The following FTCDNL1 variants were observed in gnomAD, a reference collection of about 807,000 sequenced individuals.
The protein encoded by FTCDNL1 is formiminotransferase N-terminal subdomain-containing protein.
In FTCDNL1, 11 loss-of-function variants were observed where a neutral mutation model predicts 5.9. The observed-to-expected ratio is 1.87, with a 90% CI of 1.18 to 3.10. The LOEUF is 3.10. Ranked by LOEUF, FTCDNL1 falls within the 30% of genes most tolerant of loss-of-function variation. The probability of loss-of-function intolerance (pLI) is 0.00; values close to 1 mark genes in which losing one functional copy is unlikely to be tolerated. For synonymous variants in FTCDNL1, 58 were observed against 24.8 expected (o/e 2.34, Z -3.99); for missense variants, 115 against 65.5 (o/e 1.76, Z -2.61).
At chr2:199,807,213 C>CCCAT (rs1460315775), downstream of FTCDNL1, among the ~76,000 whole-genome samples, 1 of 152,166 alleles carries the variant, frequency 6.6e-6, no homozygotes, top group Non-Finnish European at 1.5e-5. Flanking sequence ...TGATAGTGTA[C>CCCAT]CCATCCACCA....
chr2:199,768,873 G>T (rs529824477), intron 3 of FTCDNL1, among the ~76,000 whole-genome samples: 15 of 152,224 alleles, frequency 9.9e-5, no homozygotes, highest in African/African-American at 3.6e-4. Context: ...ATTTAAGTTT[G>T]TCTCTCCACA....
chr2:199,821,309 C>G (rs1164786604), intron 3 of FTCDNL1, among the ~76,000 whole-genome samples: 1 of 140,420 alleles, frequency 7.1e-6, no homozygotes, highest in East Asian at 2.0e-4. Context: ...GCCACCAAGC[C>G]TGGCTAATTT....
intron 3 of FTCDNL1, among the ~76,000 whole-genome samples, chr2:199,801,634 A>T (rs1462952723): frequency 6.8e-6 from 1 of 147,130 alleles, no homozygotes; most frequent in East Asian, 2.0e-4. Flanking sequence ...CAGCCTGGGT[A>T]ACAGAGTGAC....
chr2:199,823,167 C>T (rs540234069), intron 3 of FTCDNL1, among the ~76,000 whole-genome samples: 3 of 152,078 alleles, frequency 2.0e-5, no homozygotes, highest in Non-Finnish European at 2.9e-5. Flanking sequence ...AGTTTTATCA[C>T]GAGATTTCAG....
At chr2:199,824,727 G>A (rs1011539959) in intron 3 of FTCDNL1, among the ~76,000 whole-genome samples, 13 of 152,192 alleles carry the variant, frequency 8.5e-5, no homozygotes, top group Admixed American at 7.9e-4. Context: ...AAGAGAGATG[G>A]GGGAACAGCC....
intron 3 of FTCDNL1, among the ~76,000 whole-genome samples, chr2:199,838,598 A>G (rs986413592): frequency 6.6e-6 from 1 of 152,198 alleles, no homozygotes; most frequent in Non-Finnish European, 1.5e-5. Flanking sequence ...GATGCATCCC[A>G]CAGACGCCTG....
intron 3 of FTCDNL1, among the ~76,000 whole-genome samples, chr2:199,763,685 A>G (rs1308372140): frequency 6.6e-6 from 1 of 152,218 alleles, no homozygotes; most frequent in Non-Finnish European, 1.5e-5. Context: ...ATTCAATGCC[A>G]AGAAGAAAAA....
intron 3 of FTCDNL1, among the ~76,000 whole-genome samples, chr2:199,776,730 T>A (rs1307212959): frequency 2.0e-5 from 3 of 152,138 alleles, no homozygotes; most frequent in Admixed American, 2.0e-4. Context: ...TTAAGACTGA[T>A]GATTCCACAT....
chr2:199,850,330 T>C (rs1485161933), intron 1 of FTCDNL1, among the ~76,000 whole-genome samples: 1 of 152,250 alleles, frequency 6.6e-6, no homozygotes, highest in Non-Finnish European at 1.5e-5. Context: ...TTTCAGTGTG[T>C]TTATGCAGCT....
intron 3 of FTCDNL1, among the ~76,000 whole-genome samples, chr2:199,804,027 A>G (rs1398896476): frequency 1.3e-5 from 2 of 152,210 alleles, no homozygotes; most frequent in Non-Finnish European, 2.9e-5. Context: ...TCTTCCTTTT[A>G]TCTTTGTGAA....
intron 3 of FTCDNL1, among the ~76,000 whole-genome samples, chr2:199,777,008 T>A (rs1235684042): frequency 1.4e-5 from 2 of 139,316 alleles, no homozygotes; most frequent in Non-Finnish European, 3.1e-5. Context: ...GTGTGTGTAT[T>A]GAGGCCAGGT....
At chr2:199,735,484 A>G in the FTCDNL1 span, among the ~76,000 whole-genome samples, 3 of 152,108 alleles carry the variant, frequency 2.0e-5, no homozygotes, top group East Asian at 5.8e-4. Flanking sequence ...TTACATGTGT[A>G]TAACAAATTA....
chr2:199,791,635 G>C, intron 3 of FTCDNL1, among the ~76,000 whole-genome samples: 1 of 152,088 alleles, frequency 6.6e-6, no homozygotes. Flanking sequence ...CATTTTATGT[G>C]TTGTATTAAC....
At chr2:199,782,005 G>A (rs746172306) in intron 3 of FTCDNL1, among the ~76,000 whole-genome samples, 12 of 151,988 alleles carry the variant, frequency 7.9e-5, no homozygotes, top group Non-Finnish European at 1.5e-4. Context: ...GGATGGTCTC[G>A]ATCTCCTGAC....
Position 199,834,718 on chromosome 2 carries a change from C to T in FTCDNL1, c.211+11357G>A, listed in dbSNP as rs555671136. 7.2e-4 allele frequency among the ~76,000 whole-genome samples: 110 copies of T among 152,276 alleles called. 1 individual carries two copies. Among genetic ancestry groups the T allele is most frequent in the South Asian group, 6.2e-3 (30 of 4,828 alleles). On this transcript the variant is annotated intron_variant, in intron 3 of 4. Transcript: ENST00000420128. ...TGGTTCCAAATGTGGGAAAGGAAGA[C>T]GTGTATTATTTGTCACGCTCTCCTC...
chr2:199,811,105 A>T lies in FTCDNL1; in HGVS notation c.*1600T>A, dbSNP rs1701011916. ...TCCTCCTGGGAATTCTGCAGGAATGAATCAGATTACAGTATTTCCCCATAA... is the reference window on the plus strand; with the variant it reads ...TCCTCCTGGGAATTCTGCAGGAATGTATCAGATTACAGTATTTCCCCATAA... On this transcript the variant is annotated 3_prime_UTR_variant, in exon 5 of 5. Transcript: ENST00000420128. Among the ~76,000 whole-genome samples, 1 of 152,228 alleles carries T rather than the reference A, an allele frequency of 6.6e-6. No individual in the cohort carries two copies. The highest frequency in any genetic ancestry group is 2.4e-5 in the African/African-American group (1 of 41,452).
intron 3 of FTCDNL1, among the ~76,000 whole-genome samples, chr2:199,836,333 G>GT (rs1330269524): frequency 2.0e-5 from 3 of 151,822 alleles, no homozygotes; most frequent in African/African-American, 4.8e-5. Flanking sequence ...CCCAGCTAAT[G>GT]TTTTTTATTT....
the FTCDNL1 span, among the ~76,000 whole-genome samples, chr2:199,667,509 T>C: frequency 2.0e-5 from 3 of 151,246 alleles, no homozygotes; most frequent in South Asian, 2.1e-4. Context: ...AAAACAACAA[T>C]ACATTAGCTG....
the FTCDNL1 span, among the ~76,000 whole-genome samples, chr2:199,674,104 A>T: frequency 6.6e-6 from 1 of 152,062 alleles, no homozygotes; most frequent in Admixed American, 6.6e-5. Flanking sequence ...AGGTATGAAA[A>T]CCCTAAGAGG....
Sources: gnomAD v4.1 joint callset for allele counts (sites outside exome capture counted in the v4.1 genomes callset) on GRCh38, gnomAD v4.1.1 for gene constraint, MANE v1.5 for transcripts, NCBI Gene and HGNC (gene_info 2026-07-23, HGNC 2026-07-21) for gene names.